The following CADPS variants were observed in gnomAD, a reference collection of about 807,000 sequenced individuals.
CADPS encodes calcium-dependent secretion activator 1.
CADPS carries 57 observed loss-of-function variants against 167.3 expected under a neutral mutation model. The ratio of observed to expected loss-of-function variants is 0.34; its 90% CI spans 0.28 to 0.42. The LOEUF (loss-of-function observed/expected upper bound fraction) is 0.42. Ranked by LOEUF, CADPS falls within the 20% of genes least tolerant of loss-of-function variation. The probability of loss-of-function intolerance (pLI) is 1.00; values close to 1 mark genes in which losing one functional copy is unlikely to be tolerated. For synonymous variants in CADPS, 676 were observed against 635.3 expected (o/e 1.06, Z -0.96); for missense variants, 1,414 against 1,738.1 (o/e 0.81, Z 3.32).
In CADPS at chr3:62,864,838, C is replaced by T. The variant is rs138589099; in HGVS notation, c.441+9751G>A. On this transcript the variant is annotated intron_variant, in intron 1 of 29. Transcript: ENST00000383710. ...CACCAATATTTACAATTCAGACACT[C>T]ACACTATCCTGACTTAGTCTACGTC... Among the ~76,000 whole-genome samples the T allele has an allele frequency of 8.5e-5, 13 of 152,242 alleles. No individual in the cohort carries two copies. In the East Asian group the frequency reaches 2.5e-3, roughly 29 times the overall value.
At chr3:62,539,148 G>A (rs180936586) in intron 11 of CADPS, among the ~76,000 whole-genome samples, 407 of 152,176 alleles carry the variant, frequency 2.7e-3, no homozygotes, top group Non-Finnish European at 4.4e-3. Context: ...GGATCTAGGA[G>A]GTCTAGATTT....
intron 28 of CADPS, among the ~76,000 whole-genome samples, chr3:62,425,632 T>C (rs2052493690): frequency 6.6e-6 from 1 of 152,138 alleles, no homozygotes; most frequent in Admixed American, 6.5e-5. Flanking sequence ...AATTTAGCCC[T>C]CAAGTTTCTC....
intron 28 of CADPS, among the ~76,000 whole-genome samples, chr3:62,422,350 T>C (rs1037601278): frequency 3.3e-5 from 5 of 152,176 alleles, no homozygotes; most frequent in African/African-American, 1.2e-4. Context: ...AAACAATGCA[T>C]ATAGGCCACT....
chr3:62,760,865 T>C (rs2085234090), intron 2 of CADPS, among the ~76,000 whole-genome samples: 1 of 152,222 alleles, frequency 6.6e-6, no homozygotes, highest in Admixed American at 6.5e-5. Context: ...CTGCCAACTG[T>C]TCTTCCTCTT....
intron 11 of CADPS, 45 bp downstream of exon 11, chr3:62,549,858 C>T: frequency 6.8e-7 from 1 of 1,466,172 alleles, no homozygotes; most frequent in Non-Finnish European, 9.5e-7. Context: ...GGAAGGTTTA[C>T]TTTACTCTAC....
intron 3 of CADPS, among the ~76,000 whole-genome samples, chr3:62,679,006 G>C (rs749024540): frequency 6.6e-6 from 1 of 152,016 alleles, no homozygotes; most frequent in African/African-American, 2.4e-5. Flanking sequence ...CCTGAGAAAA[G>C]AGATTGCTGT....
intron 11 of CADPS, among the ~76,000 whole-genome samples, chr3:62,540,784 G>A (rs1212928653): frequency 3.3e-5 from 5 of 152,014 alleles, no homozygotes; most frequent in African/African-American, 4.8e-5. Context: ...GCACTGTCCC[G>A]GTCTGTTCTT....
chr3:62,645,631 G>C (rs1425295471), intron 6 of CADPS, 91 bp downstream of exon 6: 1 of 1,391,300 alleles, frequency 7.2e-7, no homozygotes, highest in Non-Finnish European at 1.0e-6. Flanking sequence ...CGTATCTTCT[G>C]GGGAAACCAG....
intron 2 of CADPS, among the ~76,000 whole-genome samples, chr3:62,765,152 A>G (rs934980632): frequency 3.9e-5 from 6 of 152,234 alleles, no homozygotes; most frequent in African/African-American, 1.4e-4. Flanking sequence ...ATAGGAAGGT[A>G]TGGCATGTCC....
intron 18 of CADPS, among the ~76,000 whole-genome samples, chr3:62,495,099 A>G (rs1420451384): frequency 6.6e-6 from 1 of 152,214 alleles, no homozygotes; most frequent in Non-Finnish European, 1.5e-5. Flanking sequence ...TGCATTAATA[A>G]TCATTTAGAT....
chr3:62,709,930 T>C (rs1178443167), intron 3 of CADPS, among the ~76,000 whole-genome samples: 2 of 151,266 alleles, frequency 1.3e-5, no homozygotes, highest in African/African-American at 4.9e-5. Context: ...CCACCACACC[T>C]GGCTAATTTT....
intron 6 of CADPS, among the ~76,000 whole-genome samples, chr3:62,639,042 CA>C (rs1477824509): frequency 6.6e-6 from 1 of 152,086 alleles, no homozygotes; most frequent in African/African-American, 2.4e-5. Context: ...TGCCCACCTT[CA>C]CCCTCCAGCT....
chr3:62,815,139 A>C (rs563998467), intron 1 of CADPS, among the ~76,000 whole-genome samples: 3 of 152,304 alleles, frequency 2.0e-5, no homozygotes, highest in African/African-American at 7.2e-5. Context: ...GTAAATATTC[A>C]CTAACAAGGT....
At chr3:62,591,129 G>A (rs377421579) in intron 7 of CADPS, among the ~76,000 whole-genome samples, 2 of 152,108 alleles carry the variant, frequency 1.3e-5, no homozygotes, top group Non-Finnish European at 2.9e-5. Context: ...ATGTGCTGGG[G>A]TTACAGGCGT....
At chr3:62,827,336 A>G (rs2074248405) in intron 1 of CADPS, among the ~76,000 whole-genome samples, 1 of 152,216 alleles carries the variant, frequency 6.6e-6, no homozygotes, top group Non-Finnish European at 1.5e-5. Context: ...CTAATACCTT[A>G]TGGGGGATGA....
chr3:62,514,852 T>C lies in CADPS; in HGVS notation c.2581+1207A>G, dbSNP rs143056126. ...AAATGCTGGAACAATTATTTGCTAATATAGCCCTTTAACGACCTCTTGTTC... is the reference window on the plus strand; with the variant it reads ...AAATGCTGGAACAATTATTTGCTAACATAGCCCTTTAACGACCTCTTGTTC... On this transcript the variant is annotated intron_variant, in intron 16 of 29. Coordinates refer to ENST00000383710, the MANE Select transcript of CADPS (RefSeq NM_003716.4). The surrounding 1 kb of genome is among the most constrained non-coding windows in gnomAD (Gnocchi z 4.2). Among the ~76,000 whole-genome samples, 1 of 152,254 alleles carries C rather than the reference T, an allele frequency of 6.6e-6. No individual in the cohort carries two copies. The highest frequency in any genetic ancestry group is 2.4e-5 in the African/African-American group (1 of 41,554).
At chr3:62,637,234 G>C (rs373830837) in intron 6 of CADPS, among the ~76,000 whole-genome samples, 15 of 152,258 alleles carry the variant, frequency 9.9e-5, no homozygotes, top group African/African-American at 2.6e-4. Context: ...ATGGGGAGAA[G>C]CTACTTGGTC....
At chr3:62,848,234 G>A (rs1363319132) in intron 1 of CADPS, among the ~76,000 whole-genome samples, 1 of 135,592 alleles carries the variant, frequency 7.4e-6, no homozygotes, top group Non-Finnish European at 1.5e-5. Context: ...TAGGTTGCCT[G>A]TTCACTCTGA....
intron 1 of CADPS, among the ~76,000 whole-genome samples, chr3:62,872,615 G>A (rs1396746940): frequency 2.0e-5 from 3 of 152,144 alleles, no homozygotes. Context: ...CAAAACCACA[G>A]CTTTGAGTGG....
Sources: allele counts gnomAD v4.1 joint callset (sites outside exome capture counted in the v4.1 genomes callset), GRCh38; gene constraint gnomAD v4.1.1; non-coding constraint Gnocchi (gnomAD v3.1); transcripts MANE v1.5; gene names NCBI Gene and HGNC (gene_info 2026-07-23, HGNC 2026-07-21).